The following ERMN variants were observed in gnomAD, a reference collection of about 807,000 sequenced individuals.
ERMN encodes ermin, ERM-like protein.
A neutral mutation model predicts 21.4 loss-of-function variants in ERMN; 17 were observed. That is an observed-to-expected ratio of 0.80 (90% CI 0.54 to 1.19). The LOEUF is 1.19. Among genes scored for constraint, ERMN ranks in the 50% most tolerant of loss-of-function variants. The pLI is 0.00. For synonymous variants in ERMN, 115 were observed against 111.9 expected, an observed-to-expected ratio of 1.03 and a Z score of -0.17; for missense variants, 348 against 331.6, an observed-to-expected ratio of 1.05 and a Z score of -0.38.
chr2:157,325,159 C>T (rs1026542091), intron 1 of ERMN: 37 of 625,526 alleles, frequency 5.9e-5, no homozygotes, highest in African/African-American at 2.0e-4. Context: ...ATTATTATTC[C>T]GCCTTCTTCT....
At position 157,321,375 on chromosome 2, in the gene ERMN, A is replaced by G. The variant is rs1264174737; in HGVS notation, c.751T>C (p.Ser251Pro). 1 of 1,614,066 alleles carries G rather than the reference A, an allele frequency of 6.2e-7. No individual in the cohort carries two copies. Among genetic ancestry groups the G allele is most frequent in the South Asian group, 1.1e-5 (1 of 91,086 alleles). ...TTGTATCTGGAATAAGCATTTCTGG[A>G]GATATCACTCTTCTTCCCTAAGGTT... ...QPTLGKKSDI[S>P]RNAYSRYNTI... Residue 251 changes from serine (S) to proline (P), a missense_variant, in exon 3 of 3, where the codon TCC (serine) becomes CCC (proline). Ser to Pro is a moderately conservative substitution (Grantham distance 74, BLOSUM62 -1). Transcript: ENST00000410096.
rs1683865707 is a variant in ERMN, at chr2:157,320,733, T to TTC, written c.*537_*538insGA. 6.5e-6 allele frequency: 1 copy of TTC among 153,252 alleles called. No homozygotes were observed. The highest frequency in any genetic ancestry group is 2.4e-5 in the African/African-American group (1 of 41,450). The allele number at this position is 153,252 out of a possible 1,614,324, so 9.5% of individuals were successfully genotyped here. ...GGCTATAGAATGTTTTCTCTGTAGA[T>TTC]GCCAAGGAAAGCCACTTAACATATT... On this transcript the variant is annotated 3_prime_UTR_variant, in exon 3 of 3. Coordinates refer to ENST00000410096, the MANE Select transcript of ERMN (RefSeq NM_020711.3).
rs1683822360 is a variant in ERMN, at chr2:157,319,588, A to G, written c.*1683T>C. ...GTAGAAAGATTAGAGGATCTAAATT[A>G]AATTGGAAATTGTCCTATTGCATCA... is the stretch of plus-strand genomic sequence containing the variant. On this transcript the variant is annotated 3_prime_UTR_variant, in exon 3 of 3. Coordinates refer to ENST00000410096, the MANE Select transcript of ERMN (RefSeq NM_020711.3). The G allele has an allele frequency of 6.6e-6, 1 of 152,196 alleles. No homozygotes were observed. Among genetic ancestry groups the G allele is most frequent in the South Asian group, 2.1e-4 (1 of 4,830 alleles). The allele number at this position is 152,196 out of a possible 1,614,324, so 9.4% of individuals were successfully genotyped here. A position where few individuals can be genotyped will look rare whatever the true frequency, so the allele number is the denominator to read the frequency against.
intron 1 of ERMN, 120 bp downstream of exon 1, chr2:157,325,282 G>T: frequency 1.5e-6 from 2 of 1,307,940 alleles, no homozygotes; most frequent in Non-Finnish European, 1.1e-6. Context: ...ACTATGCGTA[G>T]TAGAATAAAG....
At chr2:157,326,413 C>T (rs116525135), upstream of ERMN, among the ~76,000 whole-genome samples, 1,192 of 152,272 alleles carry the variant, frequency 7.8e-3, 13 homozygotes, top group African/African-American at 0.027. Context: ...TTTACTTAGT[C>T]TATAGCTTCT....
At chr2:157,327,479 T>C (rs375401835), upstream of ERMN, 3 of 780,320 alleles carry the variant, frequency 3.8e-6, no homozygotes, top group African/African-American at 5.1e-5. Context: ...TTACTCTTCA[T>C]AACAGTCTTC....
At chr2:157,323,427 A>G (rs1329462278) in intron 2 of ERMN, among the ~76,000 whole-genome samples, 1 of 152,192 alleles carries the variant, frequency 6.6e-6, no homozygotes, top group Non-Finnish European at 1.5e-5. Context: ...CTTGCTACAT[A>G]TTTCCTTAAG....
At chr2:157,327,523 G>T, upstream of ERMN, 1 of 776,250 alleles carries the variant, frequency 1.3e-6, no homozygotes. Context: ...CCATTTTATA[G>T]ACTAGAAAAA....
rs764504765 is a variant in ERMN, at chr2:157,324,736, C to T, written c.268G>A (p.Val90Ile). The T allele has an allele frequency of 1.2e-6, 2 of 1,610,880 alleles. No homozygotes were observed. The highest frequency in any genetic ancestry group is 4.5e-5 in the East Asian group (2 of 44,700). The change falls in exon 2 of 3, where the codon GTT becomes ATT. Residue 90 changes from valine to isoleucine, a missense_variant. Val to Ile is a conservative substitution (Grantham distance 29, BLOSUM62 3). Transcript: ENST00000410096. ...KENPEEKLFI[V>I]HKAITDLSLQ... Reference sequence around the variant, plus strand: ...GAAAGATCTGTGATAGCCTTATGAACAATAAAGAGTTTCTCTTCTGGGTTT... The same window carrying T: ...GAAAGATCTGTGATAGCCTTATGAATAATAAAGAGTTTCTCTTCTGGGTTT...
rs1683911103 is a variant in ERMN, at chr2:157,321,709, G to C, written c.417C>G (p.Leu139=). 6 of 1,613,802 alleles carry C rather than the reference G, an allele frequency of 3.7e-6. No individual in the cohort carries two copies. The highest frequency in any genetic ancestry group is 4.5e-5 in the East Asian group (2 of 44,856). The change falls in exon 3 of 3, where the codon CTC becomes CTG. Residue 139 remains leucine (L), a synonymous_variant. Coordinates refer to ENST00000410096, the MANE Select transcript of ERMN (RefSeq NM_020711.3). ...TCCTGTCCTCATCTTCTTCCTCTTT[G>C]AGAGGCTGCTCAGTAATCCTCTCCT... ...RQKERITEQP[L]KEEEDEDRKN... is the part of the protein sequence containing the mutation.
In ERMN at chr2:157,321,445, T is replaced by C. The variant is rs1312994597; in HGVS notation, c.681A>G (p.Pro227=). The change falls in exon 3 of 3, where the codon CCA becomes CCG. Residue 227 remains proline (P), a synonymous_variant. Transcript: ENST00000410096. Reference sequence around the variant, plus strand: ...CAGCTTGGGAACTGGCACTGCTCAGTGGGGAGTCCTCACTTGCATCACCTT... The same window carrying C: ...CAGCTTGGGAACTGGCACTGCTCAGCGGGGAGTCCTCACTTGCATCACCTT... ...KEEGDASEDS[P]LSSASSQAVT... is the part of the protein sequence containing the mutation. The C allele has an allele frequency of 6.2e-7, 1 of 1,614,168 alleles. No individual in the cohort carries two copies. The highest frequency in any genetic ancestry group is 1.7e-5 in the Admixed American group (1 of 60,020).
Position 157,320,168 on chromosome 2 carries a change from G to A in ERMN, c.*1103C>T, listed in dbSNP as rs1683846531. The A allele has an allele frequency of 6.6e-6, 1 of 152,524 alleles. No homozygotes were observed. The highest frequency in any genetic ancestry group is 1.5e-5 in the Non-Finnish European group (1 of 68,016). The allele number at this position is 152,524 out of a possible 1,614,324, so 9.4% of individuals were successfully genotyped here. A position where few individuals can be genotyped will look rare whatever the true frequency, so the allele number is the denominator to read the frequency against. On this transcript the variant is annotated 3_prime_UTR_variant, in exon 3 of 3. Transcript: ENST00000410096. ...TATTCAATACGTTATTTGACACATT[G>A]GTTTGAGTGAAGCTCCACAAGTACA...
Position 157,324,093 on chromosome 2 carries a change from T to TACAC in ERMN, c.334+573_334+576dup, listed in dbSNP as rs61547889. The TACAC allele has an allele frequency of 8.9e-4, 147 of 166,088 alleles. 1 individual carries two copies. The highest frequency in any genetic ancestry group is 1.8e-3 in the African/African-American group (72 of 39,702). 10.3% of individuals were successfully genotyped at this position (166,088 alleles called of 1,614,324 possible). A position where few individuals can be genotyped will look rare whatever the true frequency, so the allele number is the denominator to read the frequency against. ...GGTGAAACTCCGTCTCTACTAAAAATACACACACACACACACACACACACA... is the reference window on the plus strand; with the variant it reads ...GGTGAAACTCCGTCTCTACTAAAAATACACACACACACACACACACACACACACA... On this transcript the variant is annotated intron_variant, in intron 2 of 2. Transcript: ENST00000410096.
chr2:157,323,916 T>C (rs1683982557), intron 2 of ERMN, among the ~76,000 whole-genome samples: 1 of 152,186 alleles, frequency 6.6e-6, no homozygotes, highest in East Asian at 1.9e-4. Context: ...TGTATTTACA[T>C]TAGAGGCCTA....
chr2:157,325,130 C>G (rs1444091952), intron 1 of ERMN: 2 of 592,270 alleles, frequency 3.4e-6, no homozygotes, highest in African/African-American at 1.8e-5. Context: ...CCAATACTTA[C>G]CCTAGACTTG....
Position 157,325,197 on chromosome 2 carries a change from C to T in ERMN, c.241+205G>A, listed in dbSNP as rs1285551037. 1.1e-5 allele frequency: 8 copies of T among 726,706 alleles called. No individual in the cohort carries two copies. In the East Asian group the frequency reaches 2.0e-4, roughly 19 times the overall value. 45.0% of individuals were successfully genotyped at this position (726,706 alleles called of 1,614,324 possible). The stretch of plus-strand genomic sequence containing the variant: ...TGAAAAAAACTCAGGCTTCGGGAGA[C>T]AGAAAGTTGTCTGGGGTCACAGCTG... On this transcript the variant is annotated intron_variant, in intron 1 of 2. Coordinates refer to ENST00000410096, the MANE Select transcript of ERMN (RefSeq NM_020711.3).
chr2:157,321,875 T>C, intron 2 of ERMN, 84 bp from the exon 3 acceptor site: 1 of 1,213,456 alleles, frequency 8.2e-7, no homozygotes, highest in Non-Finnish European at 1.1e-6. Context: ...AAATAATTTT[T>C]CTTGCTAATC....
At position 157,319,351 on chromosome 2, in the gene ERMN, C is replaced by T. The variant is rs1683812195; in HGVS notation, c.*1920G>A. 6.6e-6 allele frequency: 1 copy of T among 152,150 alleles called. No homozygotes were observed. The highest frequency in any genetic ancestry group is 2.1e-4 in the South Asian group (1 of 4,832). The allele number at this position is 152,150 out of a possible 1,614,324, so 9.4% of individuals were successfully genotyped here. A position where few individuals can be genotyped will look rare whatever the true frequency, so the allele number is the denominator to read the frequency against. ...ATATATTAGAGTCCCTTAAGAGGTACTTGCTTTGCCGTGCCACATAACCAT... is the reference window on the plus strand; with the variant it reads ...ATATATTAGAGTCCCTTAAGAGGTATTTGCTTTGCCGTGCCACATAACCAT... On this transcript the variant is annotated 3_prime_UTR_variant, in exon 3 of 3. Coordinates refer to ENST00000410096, the MANE Select transcript of ERMN (RefSeq NM_020711.3).
chr2:157,327,221 G>A, upstream of ERMN: 1 of 394,072 alleles, frequency 2.5e-6, no homozygotes, highest in Non-Finnish European at 4.6e-6. Flanking sequence ...TTAAAAGTGT[G>A]TCTAGGGCTG....
Sources: gnomAD v4.1 joint callset for allele counts (sites outside exome capture counted in the v4.1 genomes callset) on GRCh38, gnomAD v4.1.1 for gene constraint, MANE v1.5 for transcripts, NCBI Gene and HGNC (gene_info 2026-07-23, HGNC 2026-07-21) for gene names.